Variants in MAP1B observed in about 807,000 individuals in gnomAD.
MAP1B encodes microtubule-associated protein 1B.
In MAP1B, 12 loss-of-function variants were observed where a neutral mutation model predicts 176.1. That is an observed-to-expected ratio of 0.07 (90% CI 0.04 to 0.11). The LOEUF (loss-of-function observed/expected upper bound fraction) is 0.11, where lower values mean the gene tolerates loss of function less well. MAP1B is among the 10% of genes least tolerant of loss of function. The pLI, the probability that MAP1B is intolerant of heterozygous loss-of-function variation, is 1.00. For missense variants in MAP1B, 2,523 were observed against 2,990.5 expected, an observed-to-expected ratio of 0.84 and a Z score of 3.65; for synonymous variants, 1,044 against 1,135.0, an observed-to-expected ratio of 0.92 and a Z score of 1.61.
intron 2 of MAP1B, among the ~76,000 whole-genome samples, chr5:72,181,914 C>T (rs185527876): frequency 5.9e-5 from 9 of 151,466 alleles, no homozygotes; most frequent in East Asian, 3.9e-4. Flanking sequence ...TTAGTAGAGA[C>T]GGGGTTTCAT....
chr5:72,185,171 G>T (rs997665097), intron 3 of MAP1B, among the ~76,000 whole-genome samples: 4 of 152,164 alleles, frequency 2.6e-5, no homozygotes, highest in Non-Finnish European at 5.9e-5. Context: ...CCAGTGTATG[G>T]ATAGCCCACA....
At chr5:72,166,837 G>C (rs187068433) in intron 2 of MAP1B, among the ~76,000 whole-genome samples, 17 of 152,332 alleles carry the variant, frequency 1.1e-4, no homozygotes, top group African/African-American at 3.4e-4. Flanking sequence ...TGCTGGGAAA[G>C]CTGATGGTGG....
chr5:72,153,009 C>T (rs934002047), intron 2 of MAP1B, among the ~76,000 whole-genome samples: 1 of 152,166 alleles, frequency 6.6e-6, no homozygotes, highest in African/African-American at 2.4e-5. Context: ...TGTCTAGAGT[C>T]ACAGGAGTGA....
At chr5:72,166,005 A>G (rs535288690) in intron 2 of MAP1B, among the ~76,000 whole-genome samples, 1 of 152,290 alleles carries the variant, frequency 6.6e-6, no homozygotes, top group East Asian at 1.9e-4. Context: ...AGGCATTATT[A>G]TTATCCCCAT....
At chr5:72,160,793 C>T (rs1746312977) in intron 2 of MAP1B, among the ~76,000 whole-genome samples, 1 of 152,158 alleles carries the variant, frequency 6.6e-6, no homozygotes, top group Admixed American at 6.5e-5. Flanking sequence ...TTGTGATTTG[C>T]TACAGGCTTC....
chr5:72,124,410 G>A (rs1303310103), intron 2 of MAP1B, among the ~76,000 whole-genome samples: 1 of 152,218 alleles, frequency 6.6e-6, no homozygotes, highest in Non-Finnish European at 1.5e-5. Context: ...GTCAGGACTG[G>A]TGAAATTGAT....
intron 2 of MAP1B, 61 bp from the exon 3 acceptor site, chr5:72,183,682 G>T: frequency 8.0e-7 from 1 of 1,247,214 alleles, no homozygotes; most frequent in South Asian, 1.2e-5. Context: ...GAGCAGGCAG[G>T]GCAGTTTTTA....
intron 2 of MAP1B, among the ~76,000 whole-genome samples, chr5:72,150,401 G>A (rs1486253489): frequency 1.3e-5 from 2 of 152,174 alleles, no homozygotes; most frequent in Non-Finnish European, 2.9e-5. Flanking sequence ...CAAACATTCT[G>A]GAACTACCTG....
chr5:72,133,313 C>T (rs1200856543), intron 2 of MAP1B, among the ~76,000 whole-genome samples: 1 of 152,244 alleles, frequency 6.6e-6, no homozygotes, highest in Non-Finnish European at 1.5e-5. Flanking sequence ...ACAGCTCTCT[C>T]CTCTACCCCC....
intron 2 of MAP1B, among the ~76,000 whole-genome samples, chr5:72,129,937 C>A (rs1297888176): frequency 1.3e-5 from 2 of 152,026 alleles, no homozygotes; most frequent in Non-Finnish European, 2.9e-5. Flanking sequence ...GAATAACATT[C>A]CAGCGTATAA....
At chr5:72,193,349 T>C in intron 4 of MAP1B, 2 of 380,278 alleles carry the variant, frequency 5.3e-6, no homozygotes, top group Non-Finnish European at 1.0e-5. Flanking sequence ...GGCCTTTTTT[T>C]TTTTTTTTTT....
chr5:72,203,488 GT>G (rs750360738), intron 5 of MAP1B, 74 bp from the exon 6 acceptor site: 45 of 1,044,962 alleles, frequency 4.3e-5, no homozygotes, highest in Non-Finnish European at 6.6e-5. Flanking sequence ...GTGTGATTGA[GT>G]GGGGAACATG....
chr5:72,111,450 C>A lies in MAP1B; in HGVS notation c.184+3735C>A, dbSNP rs1197430519. The stretch of plus-strand genomic sequence containing the variant: ...AAAAGTTTAGCTGATTACATTGTTA[C>A]ATTCTGATGTCACTTAACTGAATGT... On this transcript the variant is annotated intron_variant, in intron 1 of 6. Coordinates refer to ENST00000296755, the MANE Select transcript of MAP1B (RefSeq NM_005909.5). Among the ~76,000 whole-genome samples the A allele has an allele frequency of 3.9e-5, 6 of 152,188 alleles. No individual in the cohort carries two copies. The South Asian group carries it at 1.2e-3, about 31-fold the overall frequency.
intron 2 of MAP1B, among the ~76,000 whole-genome samples, chr5:72,176,695 C>T (rs1464634039): frequency 6.6e-6 from 1 of 152,146 alleles, no homozygotes; most frequent in African/African-American, 2.4e-5. Flanking sequence ...TTTTTGGACC[C>T]AGGAGGGATG....
intron 4 of MAP1B, among the ~76,000 whole-genome samples, chr5:72,189,116 C>T (rs752098325): frequency 1.2e-4 from 19 of 152,082 alleles, no homozygotes; most frequent in Non-Finnish European, 1.9e-4. Flanking sequence ...TTGGGACAAA[C>T]AAAAATGATA....
intron 4 of MAP1B, among the ~76,000 whole-genome samples, chr5:72,187,969 T>C (rs1410797219): frequency 2.0e-5 from 3 of 152,200 alleles, no homozygotes; most frequent in Non-Finnish European, 4.4e-5. Flanking sequence ...AGGCAGCTCC[T>C]TTCTCAGAGG....
chr5:72,172,154 T>G (rs1746554877), intron 2 of MAP1B, among the ~76,000 whole-genome samples: 1 of 152,212 alleles, frequency 6.6e-6, no homozygotes, highest in Non-Finnish European at 1.5e-5. Context: ...GAGGCACCAC[T>G]TCAGCCAGGA....
At position 72,110,944 on chromosome 5, in the gene MAP1B, A is replaced by G. The variant is rs569684112; in HGVS notation, c.184+3229A>G. Among the ~76,000 whole-genome samples, 3 of 152,344 alleles carry G rather than the reference A, an allele frequency of 2.0e-5. No homozygotes were observed. In the East Asian group the frequency reaches 5.8e-4, roughly 29 times the overall value. Reference sequence around the variant, plus strand: ...AGAGATGGTCCCTCTTGCTTTCTCAACTATATTCGGAAAGCATAATGAAAG... The same window carrying G: ...AGAGATGGTCCCTCTTGCTTTCTCAGCTATATTCGGAAAGCATAATGAAAG... On this transcript the variant is annotated intron_variant, in intron 1 of 6. Transcript: ENST00000296755.
At position 72,203,616 on chromosome 5, in the gene MAP1B, G is replaced by C; in HGVS notation, c.7066G>C (p.Val2356Leu). ...ATCTGCTGTGCCCCCAGGCCTCCCT[G>C]TGTATTTGGACCTGTGCTACATTCC... Reference protein sequence around the residue: ...KSSAVPPGLPVYLDLCYIPNH... With the variant: ...KSSAVPPGLPLYLDLCYIPNH... Residue 2356 changes from valine (V) to leucine (L), a missense_variant, in exon 6 of 7, where the codon GTG becomes CTG. Physicochemically the swap from Val to Leu is conservative, Grantham distance 32. Around this residue, in one of 4 missense-constraint regions of MAP1B, gnomAD observed 287 missense variants for 401.5 expected, o/e 0.71. Transcript: ENST00000296755. 6.2e-7 allele frequency: 1 copy of C among 1,614,188 alleles called. No homozygotes were observed. The highest frequency in any genetic ancestry group is 8.5e-7 in the Non-Finnish European group (1 of 1,180,034).
Sources: gnomAD v4.1 joint callset for allele counts (sites outside exome capture counted in the v4.1 genomes callset) on GRCh38, gnomAD v4.1.1 for gene constraint, gnomAD v4.1.1 regional missense constraint, MANE v1.5 for transcripts, NCBI Gene and HGNC (gene_info 2026-07-23, HGNC 2026-07-21) for gene names.